Variants in CNBD1 observed in about 807,000 individuals in gnomAD.
CNBD1 encodes the protein cyclic nucleotide-binding domain-containing protein 1.
Under a neutral mutation model 54.4 loss-of-function variants are expected in CNBD1, and 71 were observed. That is an observed-to-expected ratio of 1.30 (90% confidence interval 1.08 to 1.59). The LOEUF (loss-of-function observed/expected upper bound fraction) is 1.59, where lower values mean the gene tolerates loss of function less well. Ranked by LOEUF, CNBD1 falls within the 40% of genes most tolerant of loss-of-function variation. CNBD1 has a pLI of 0.00. For synonymous variants in CNBD1, 182 were observed against 170.7 expected (o/e 1.07, Z -0.51); for missense variants, 659 against 518.0 (o/e 1.27, Z -2.64).
chr8:87,040,260 T>G (rs763341500), intron 4 of CNBD1, among the ~76,000 whole-genome samples: 49 of 152,222 alleles, frequency 3.2e-4, no homozygotes, highest in Non-Finnish European at 6.5e-4. Flanking sequence ...ATTTGGGCTA[T>G]GCCCAGGAAT....
At chr8:87,113,292 C>A (rs1236404416) in intron 4 of CNBD1, among the ~76,000 whole-genome samples, 1 of 152,182 alleles carries the variant, frequency 6.6e-6, no homozygotes, top group African/African-American at 2.4e-5. Flanking sequence ...CTACACGTCA[C>A]CTCATGTTAG....
chr8:87,176,483 ATT>A (rs35416460), intron 4 of CNBD1, among the ~76,000 whole-genome samples: 30,938 of 134,274 alleles, frequency 0.23, 3,081 homozygotes, highest in African/African-American at 0.26. Context: ...TTAAGTTAGT[ATT>A]TTTTTTTTTT....
chr8:87,385,711 AG>A (rs1304212793), downstream of CNBD1, among the ~76,000 whole-genome samples: 1 of 152,186 alleles, frequency 6.6e-6, no homozygotes, highest in Admixed American at 6.5e-5. Flanking sequence ...GCCAATCAAA[AG>A]GCAGCAGAAA....
At chr8:87,280,912 G>T (rs1801563913) in intron 6 of CNBD1, among the ~76,000 whole-genome samples, 1 of 151,420 alleles carries the variant, frequency 6.6e-6, no homozygotes, top group South Asian at 2.1e-4. Flanking sequence ...TTCCATCTGT[G>T]CAACTCTACC....
chr8:87,002,221 C>G (rs1809007716), intron 4 of CNBD1, among the ~76,000 whole-genome samples: 1 of 152,162 alleles, frequency 6.6e-6, no homozygotes, highest in Non-Finnish European at 1.5e-5. Flanking sequence ...TTTACCTCCA[C>G]TGACAAAAAT....
chr8:87,375,930 A>C (rs1810921284), intron 10 of CNBD1, among the ~76,000 whole-genome samples: 1 of 151,940 alleles, frequency 6.6e-6, no homozygotes, highest in African/African-American at 2.4e-5. Flanking sequence ...ATAAAAGATA[A>C]ATAGATCTCT....
chr8:87,225,602 G>A (rs1814465298), intron 5 of CNBD1, among the ~76,000 whole-genome samples: 1 of 152,106 alleles, frequency 6.6e-6, no homozygotes, highest in Non-Finnish European at 1.5e-5. Flanking sequence ...ACTTGATCAT[G>A]GTGGATAAGC....
chr8:87,424,680 C>T (rs1808013253), intron 2 of CNBD1, among the ~76,000 whole-genome samples: 2 of 152,090 alleles, frequency 1.3e-5, no homozygotes, highest in Admixed American at 6.5e-5. Flanking sequence ...CGGTTTCTGC[C>T]AAGAGATCCG....
At chr8:87,159,667 G>A (rs1364209941) in intron 4 of CNBD1, among the ~76,000 whole-genome samples, 1 of 152,070 alleles carries the variant, frequency 6.6e-6, no homozygotes, top group Admixed American at 6.6e-5. Context: ...TTTGGACTCA[G>A]TTTCTGATGT....
intron 8 of CNBD1, among the ~76,000 whole-genome samples, chr8:87,344,719 C>T (rs1038312019): frequency 1.2e-4 from 19 of 152,028 alleles, no homozygotes; most frequent in African/African-American, 4.3e-4. Context: ...AAAAAAATTA[C>T]TCATACTGTA....
intron 2 of CNBD1, among the ~76,000 whole-genome samples, chr8:87,424,546 T>C (rs1353129056): frequency 2.0e-5 from 3 of 152,338 alleles, no homozygotes; most frequent in Admixed American, 6.5e-5. Context: ...CAGTAGTCAT[T>C]CAGGAGCAGG....
intron 4 of CNBD1, among the ~76,000 whole-genome samples, chr8:87,066,815 C>T (rs1464599274): frequency 6.6e-6 from 1 of 151,698 alleles, no homozygotes; most frequent in Non-Finnish European, 1.5e-5. Context: ...GGATGTATAT[C>T]CTTGTGTAAG....
intron 4 of CNBD1, among the ~76,000 whole-genome samples, chr8:87,200,011 T>C (rs1383724970): frequency 6.6e-6 from 1 of 152,086 alleles, no homozygotes; most frequent in South Asian, 2.1e-4. Context: ...ACCTTAAATA[T>C]GTACAGCTTT....
chr8:87,034,962 A>G (rs541430851), intron 4 of CNBD1, among the ~76,000 whole-genome samples: 62 of 152,188 alleles, frequency 4.1e-4, no homozygotes, highest in African/African-American at 1.3e-3. Flanking sequence ...TCTGGAATTT[A>G]TGCGGATTTT....
intron 6 of CNBD1, among the ~76,000 whole-genome samples, chr8:87,246,116 T>A (rs1166637109): frequency 6.6e-6 from 1 of 152,138 alleles, no homozygotes; most frequent in Non-Finnish European, 1.5e-5. Flanking sequence ...TGGGATTCTT[T>A]ACTCCTTTAA....
chr8:86,915,725 G>A (rs1298816300), intron 3 of CNBD1, among the ~76,000 whole-genome samples: 3 of 152,108 alleles, frequency 2.0e-5, no homozygotes, highest in Non-Finnish European at 2.9e-5. Flanking sequence ...GATGAGTACT[G>A]GAATCCAGCT....
intron 2 of CNBD1, among the ~76,000 whole-genome samples, chr8:87,410,135 C>A (rs1245587422): frequency 1.3e-5 from 2 of 152,022 alleles, no homozygotes; most frequent in Non-Finnish European, 2.9e-5. Context: ...TATTTTAAGC[C>A]CAGAATTGAG....
At position 87,333,585 on chromosome 8, in the gene CNBD1, G is replaced by A. The variant is rs182754075; in HGVS notation, c.1043-18100G>A. Among the ~76,000 whole-genome samples, 819 of 152,278 alleles carry A rather than the reference G, an allele frequency of 5.4e-3. 6 individuals carry two copies. Among genetic ancestry groups the A allele is most frequent in the African/African-American group, 0.019 (774 of 41,562 alleles). On this transcript the variant is annotated intron_variant, in intron 8 of 10. Transcript: ENST00000518476. The stretch of plus-strand genomic sequence containing the variant: ...GTTTATTGAGAGTTTTCAACATGAA[G>A]TGATGTTGAATTTTATTGAAGGCCT...
chr8:87,345,554 C>G (rs1040842705), intron 8 of CNBD1, among the ~76,000 whole-genome samples: 4 of 152,090 alleles, frequency 2.6e-5, no homozygotes, highest in Non-Finnish European at 5.9e-5. Flanking sequence ...ACTACATCAA[C>G]AAGAATCAAT....
Sources: gnomAD v4.1 joint callset for allele counts (sites outside exome capture counted in the v4.1 genomes callset) on GRCh38, gnomAD v4.1.1 for gene constraint, MANE v1.5 for transcripts, NCBI Gene and HGNC (gene_info 2026-07-23, HGNC 2026-07-21) for gene names.